The following SIGLEC1 variants were observed in gnomAD, a reference collection of about 807,000 sequenced individuals.
SIGLEC1 encodes sialoadhesin.
SIGLEC1 carries 132 observed loss-of-function variants against 148.0 expected under a neutral mutation model. The ratio of observed to expected loss-of-function variants is 0.89; its 90% CI spans 0.77 to 1.03. The LOEUF (loss-of-function observed/expected upper bound fraction) is 1.03. Ranked by LOEUF, SIGLEC1 falls within the 50% of genes least tolerant of loss-of-function variation. SIGLEC1 has a pLI of 0.00. For missense variants in SIGLEC1, 2,253 were observed against 2,271.4 expected (o/e 0.99, Z 0.16); for synonymous variants, 945 against 969.0 (o/e 0.98, Z 0.46).
At chr20:3,698,408 T>A (rs1326808781) in intron 8 of SIGLEC1, among the ~76,000 whole-genome samples, 1 of 152,232 alleles carries the variant, frequency 6.6e-6, no homozygotes, top group Non-Finnish European at 1.5e-5. Flanking sequence ...CTGTATGGGC[T>A]GGCTGCCACC....
rs770600435 is a variant in SIGLEC1 at position 3,694,819 on chromosome 20, A to G, written c.2788T>C (p.Trp930Arg). 6.2e-7 allele frequency: 1 copy of G among 1,613,502 alleles called. No homozygotes were observed. Among genetic ancestry groups the G allele is most frequent in the Non-Finnish European group, 8.5e-7 (1 of 1,179,978 alleles). The change falls in exon 12 of 22, where the codon TGG becomes CGG. Residue 930 changes from tryptophan to arginine, a missense_variant. Transcript: ENST00000344754. Reference sequence around the variant, plus strand: ...TGGAGGGGCTGGCCATCCCGATACCAACGATATGAGGTCCCCTCTGGGACT... The same window carrying G: ...TGGAGGGGCTGGCCATCCCGATACCGACGATATGAGGTCCCCTCTGGGACT... ...TGVPEGTSYR[W>R]YRDGQPLQES...
intron 1 of SIGLEC1, among the ~76,000 whole-genome samples, chr20:3,712,200 G>A (rs1462531994): frequency 2.0e-5 from 3 of 148,884 alleles, no homozygotes; most frequent in Non-Finnish European, 4.5e-5. Flanking sequence ...AATAGGGGCT[G>A]GGGCTGGGGC....
rs2088706090 is a variant in SIGLEC1 at position 3,687,017 on chromosome 20, C to G, written c.*1543G>C. ...ATTGGGAGGACATTCTGGACGGGCT[C>G]CCAGCAAGAGTCTGGCAATGGAGCA... On this transcript the variant is annotated 3_prime_UTR_variant, in exon 22 of 22. Transcript: ENST00000344754. 1 of 152,140 alleles carries G rather than the reference C, an allele frequency of 6.6e-6. No homozygotes were observed. The highest frequency in any genetic ancestry group is 1.5e-5 in the Non-Finnish European group (1 of 68,014). The allele number at this position is 152,140 out of a possible 1,614,324, so 9.4% of individuals were successfully genotyped here. A position where few individuals can be genotyped will look rare whatever the true frequency, so the allele number is the denominator to read the frequency against.
Position 3,690,824 on chromosome 20 carries a change from C to CTTTTTTTTTTTTTTT in SIGLEC1, c.4591+515_4591+516insAAAAAAAAAAAAAAA, listed in dbSNP as rs200631809. Among the ~76,000 whole-genome samples, 78 of 126,850 alleles carry CTTTTTTTTTTTTTTT rather than the reference C, an allele frequency of 6.1e-4. 4 individuals carry two copies. The highest frequency in any genetic ancestry group is 2.4e-3 in the African/African-American group (71 of 29,890). 83.2% of individuals were successfully genotyped at this position (126,850 alleles called of 152,430 possible). A position where few individuals can be genotyped will look rare whatever the true frequency, so the allele number is the denominator to read the frequency against. On this transcript the variant is annotated intron_variant, in intron 18 of 21. Transcript: ENST00000344754. ...TTCTTTTGGTTTTTTCTCTTCTTTT[C>CTTTTTTTTTTTTTTT]TTTTCTTTTTTTTTTTTTTTTCTTG...
At chr20:3,706,795 CCCCAGCTGGGCTCCCAAAT>C in intron 2 of SIGLEC1, 89 bp from the exon 3 acceptor site, 3 of 1,424,892 alleles carry the variant, frequency 2.1e-6, no homozygotes, top group Non-Finnish European at 2.8e-6. Context: ...AGAGAAGGTG[CCCCAGCTGGGCTCCCAAAT>C]TCTGCCCTGC....
Position 3,697,274 on chromosome 20 carries a change from C to T in SIGLEC1, c.2191G>A (p.Val731Met), listed in dbSNP as rs376906989. 3.7e-6 allele frequency: 6 copies of T among 1,613,876 alleles called. No homozygotes were observed. Among genetic ancestry groups the T allele is most frequent in the Non-Finnish European group, 5.1e-6 (6 of 1,180,046 alleles). ...GGGCTGCCAGCAGCTTCCCGGCTCA[C>T]GTTGCAAGTCAAGTTGGCTTCTGTG... ...EGTEANLTCN[V>M]SREAAGSPAN... The change falls in exon 10 of 22, where the codon GTG becomes ATG. Residue 731 changes from valine to methionine, a missense_variant. Val to Met is a conservative substitution (Grantham distance 21). Coordinates refer to ENST00000344754, the MANE Select transcript of SIGLEC1 (RefSeq NM_023068.4).
rs774917988 is a variant in SIGLEC1, at chr20:3,697,259, C to T, written c.2206G>A (p.Ala736Thr). 1 of 1,614,018 alleles carries T rather than the reference C, an allele frequency of 6.2e-7. No individual in the cohort carries two copies. Among genetic ancestry groups the T allele is most frequent in the Non-Finnish European group, 8.5e-7 (1 of 1,180,030 alleles). Residue 736 changes from alanine to threonine, a missense_variant, in exon 10 of 22, where the codon GCT (alanine) becomes ACT (threonine). Physicochemically the swap from Ala to Thr is moderately conservative, Grantham distance 58. Coordinates refer to ENST00000344754, the MANE Select transcript of SIGLEC1 (RefSeq NM_023068.4). ...CAGGAGAAGTTAGCAGGGCTGCCAGCAGCTTCCCGGCTCACGTTGCAAGTC... is the reference window on the plus strand; with the variant it reads ...CAGGAGAAGTTAGCAGGGCTGCCAGTAGCTTCCCGGCTCACGTTGCAAGTC... ...NLTCNVSREA[A>T]GSPANFSWFR...
chr20:3,696,237 GTATA>G (rs2088821127), intron 11 of SIGLEC1, among the ~76,000 whole-genome samples: 1 of 151,862 alleles, frequency 6.6e-6, no homozygotes, highest in East Asian at 1.9e-4. Flanking sequence ...ATTTGTATGT[GTATA>G]TACTCATACA....
rs150998642 is a variant in SIGLEC1 at position 3,706,434 on chromosome 20, C to T, written c.322G>A (p.Glu108Lys). Residue 108 changes from glutamate (E) to lysine (K), a missense_variant, in exon 3 of 22, where the codon GAG becomes AAG. Coordinates refer to ENST00000344754, the MANE Select transcript of SIGLEC1 (RefSeq NM_023068.4). ...CGGAAGTTGTAGGAACCAGAGTCCTCGGGCTGCAGGTCCTTCAGCAGCAGG... is the reference window on the plus strand; with the variant it reads ...CGGAAGTTGTAGGAACCAGAGTCCTTGGGCTGCAGGTCCTTCAGCAGCAGG... ...CNLLLKDLQP[E>K]DSGSYNFRFE... 4.4e-5 allele frequency: 71 copies of T among 1,614,162 alleles called. No homozygotes were observed. In the East Asian group the frequency reaches 8.7e-4, roughly 20 times the overall value.
At chr20:3,703,552 C>T (rs1049982561) in intron 5 of SIGLEC1, 101 bp from the exon 6 acceptor site, 3 of 1,403,034 alleles carry the variant, frequency 2.1e-6, no homozygotes, top group Non-Finnish European at 2.9e-6. Context: ...AATCTCTGCA[C>T]ATCCTACACC....
rs557824040 is a variant in SIGLEC1 at position 3,687,220 on chromosome 20, T to C, written c.*1340A>G. On this transcript the variant is annotated 3_prime_UTR_variant, in exon 22 of 22. Transcript: ENST00000344754. ...GCTCCTCACACCATCTCCACCAGGC[T>C]GCAGGGGGAGTCACTAGCCCACTCA... is the stretch of plus-strand genomic sequence containing the variant. The C allele has an allele frequency of 1.3e-5, 2 of 152,384 alleles. No homozygotes were observed. The highest frequency in any genetic ancestry group is 2.1e-4 in the South Asian group (1 of 4,828). 9.4% of individuals were successfully genotyped at this position (152,384 alleles called of 1,614,324 possible). A position where few individuals can be genotyped will look rare whatever the true frequency, so the allele number is the denominator to read the frequency against.
intron 11 of SIGLEC1, 24 bp from the exon 12 acceptor site, chr20:3,694,947 G>A: frequency 6.3e-7 from 1 of 1,598,970 alleles, no homozygotes; most frequent in Non-Finnish European, 8.5e-7. Flanking sequence ...CCAAGAGCAG[G>A]TGAGGGCTCT....
Position 3,693,515 on chromosome 20 carries a change from T to C in SIGLEC1, c.3440A>G (p.Tyr1147Cys). The change falls in exon 14 of 22, where the codon TAC (tyrosine) becomes TGC (cysteine). Residue 1147 changes from tyrosine (Y) to cysteine (C), a missense_variant. Transcript: ENST00000344754. ...PNVTVRDATS[Y>C]RCGVGPPGRA... ...ACCAGGGGGGCCCACACCGCAGCGG[T>C]AGGAGGTGGCATCCCTGACTGTGAC... 3 of 1,610,586 alleles carry C rather than the reference T, an allele frequency of 1.9e-6. No individual in the cohort carries two copies. The highest frequency in any genetic ancestry group is 2.5e-6 in the Non-Finnish European group (3 of 1,178,502).
chr20:3,692,914 A>AGAGCAGC lies in SIGLEC1; in HGVS notation c.3719_3725dup (p.Ala1243LeufsTer33). 6.2e-7 allele frequency: 1 copy of AGAGCAGC among 1,612,390 alleles called. No homozygotes were observed. Among genetic ancestry groups the AGAGCAGC allele is most frequent in the South Asian group, 1.1e-5 (1 of 91,072 alleles). On this transcript the variant is annotated frameshift_variant, in exon 15 of 22. Coordinates refer to ENST00000344754, the MANE Select transcript of SIGLEC1 (RefSeq NM_023068.4). LOFTEE classifies it high-confidence loss of function. ...TGGCCTGGCCCAGAGGGCTGCGGGC[A>AGAGCAGC]GAGCAGCTGTAGAAACCCTCATCCC... is the stretch of plus-strand genomic sequence containing the variant.
In SIGLEC1 at chr20:3,699,255, C is replaced by T. The variant is rs1206559395; in HGVS notation, c.1733G>A (p.Arg578Gln). The change falls in exon 8 of 22, where the codon CGG (arginine) becomes CAG (glutamine). Residue 578 changes from arginine to glutamine, a missense_variant. Transcript: ENST00000344754. ...GGGGCCACTGGCACTGTGGCCGTCCCGGGCCCGGCAGTGGTATGAGCCGGC... is the reference window on the plus strand; with the variant it reads ...GGGGCCACTGGCACTGTGGCCGTCCTGGGCCCGGCAGTGGTATGAGCCGGC... ...TDAGSYHCRA[R>Q]DGHSASGPSS... is the part of the protein sequence containing the mutation. 2.7e-5 allele frequency: 43 copies of T among 1,609,890 alleles called. No homozygotes were observed. The East Asian group carries it at 3.6e-4, about 13-fold the overall frequency.
In SIGLEC1 at chr20:3,706,136, G is replaced by C. The variant is rs551384869; in HGVS notation, c.410-96C>G. The C allele has an allele frequency of 6.6e-4, 910 of 1,370,114 alleles. 4 individuals carry two copies. In the African/African-American group the frequency reaches 0.011, roughly 17 times the overall value. The allele number at this position is 1,370,114 out of a possible 1,614,324, so 84.9% of individuals were successfully genotyped here. On this transcript the variant is annotated intron_variant, in intron 3 of 21. Coordinates refer to ENST00000344754, the MANE Select transcript of SIGLEC1 (RefSeq NM_023068.4). The stretch of plus-strand genomic sequence containing the variant: ...AGCTGAGGAGAGAGCCCTGGGGAGG[G>C]GGCTTTTAGGGGAAGGAAAGACGCT...
At position 3,703,554 on chromosome 20, in the gene SIGLEC1, T is replaced by C. The variant is rs1231744963; in HGVS notation, c.974-103A>G. Reference sequence around the variant, plus strand: ...GCCAATCAGCCTCAATCTCTGCACATCCTACACCACCCGCCTGCTGCTACA... The same window carrying C: ...GCCAATCAGCCTCAATCTCTGCACACCCTACACCACCCGCCTGCTGCTACA... On this transcript the variant is annotated intron_variant, in intron 5 of 21. Transcript: ENST00000344754. The C allele has an allele frequency of 4.3e-6, 6 of 1,404,492 alleles. No homozygotes were observed. In the East Asian group the frequency reaches 1.4e-4, roughly 33 times the overall value. The allele number at this position is 1,404,492 out of a possible 1,614,324, so 87.0% of individuals were successfully genotyped here. A position where few individuals can be genotyped will look rare whatever the true frequency, so the allele number is the denominator to read the frequency against.
Position 3,705,907 on chromosome 20 carries a change from A to C in SIGLEC1, c.543T>G (p.Ala181=), listed in dbSNP as rs1410081739. The change falls in exon 4 of 22, where the codon GCT becomes GCG. Residue 181 remains alanine, a synonymous_variant. Coordinates refer to ENST00000344754, the MANE Select transcript of SIGLEC1 (RefSeq NM_023068.4). The part of the protein sequence containing the change: ...VRLQWQGQDP[A]RSVTFNSQKF... ...TCTGGCTGTTGAAGGTGACAGAGCG[A>C]GCAGGGTCCTGGCCTTGCCACTGCA... 2 of 1,614,048 alleles carry C rather than the reference A, an allele frequency of 1.2e-6. No individual in the cohort carries two copies. Among genetic ancestry groups the C allele is most frequent in the Non-Finnish European group, 1.7e-6 (2 of 1,180,054 alleles).
In SIGLEC1 at chr20:3,692,870, C is replaced by T. The variant is rs753235912; in HGVS notation, c.3770G>A (p.Arg1257Gln). 1.1e-5 allele frequency: 18 copies of T among 1,608,784 alleles called. No homozygotes were observed. In the Admixed American group the frequency reaches 1.7e-4, roughly 15 times the overall value. ...LGQANTSLEL[R>Q]LEGVRVILAP... ...CCTAGGCCCTGCCTTACCCTCCAGC[C>T]GCAGCTCCAGGGACGTGTTGGCCTG... The change falls in exon 15 of 22, where the codon CGG (arginine) becomes CAG (glutamine). Residue 1257 changes from arginine to glutamine, a missense_variant. By Grantham distance (43) the Arg-to-Gln change is conservative (BLOSUM62 1). Coordinates refer to ENST00000344754, the MANE Select transcript of SIGLEC1 (RefSeq NM_023068.4).
Sources: allele counts gnomAD v4.1 joint callset (sites outside exome capture counted in the v4.1 genomes callset), GRCh38; gene constraint gnomAD v4.1.1; transcripts MANE v1.5; gene names NCBI Gene and HGNC (gene_info 2026-07-23, HGNC 2026-07-21).